The following WASHC4 variants were observed in gnomAD, a reference collection of about 807,000 sequenced individuals.
The protein encoded by WASHC4 is WASH complex subunit 4, also known as WASH complex subunit 7.
WASHC4 carries 86 observed loss-of-function variants against 166.6 expected under a neutral mutation model. The observed-to-expected ratio is 0.52, with a 90% CI of 0.43 to 0.62. The LOEUF (loss-of-function observed/expected upper bound fraction) is 0.62, where lower values mean the gene tolerates loss of function less well. Among genes scored for constraint, WASHC4 ranks in the 20% least tolerant of loss-of-function variants. The pLI is 0.00. For missense variants in WASHC4, 1,262 were observed against 1,382.4 expected (o/e 0.91, Z 1.38); for synonymous variants, 446 against 451.6 (o/e 0.99, Z 0.16).
In WASHC4 at chr12:105,127,304, C is replaced by T; in HGVS notation, c.1199+15C>T. 6.6e-7 allele frequency: 1 copy of T among 1,526,542 alleles called. No homozygotes were observed. The highest frequency in any genetic ancestry group is 1.4e-5 in the African/African-American group (1 of 73,134). 94.6% of individuals were successfully genotyped at this position (1,526,542 alleles called of 1,614,324 possible). A position where few individuals can be genotyped will look rare whatever the true frequency, so the allele number is the denominator to read the frequency against. Reference sequence around the variant, plus strand: ...TCACTTACCAAGTAGGTTTTATAAACAAGTATAATGAAAATATTTAGATAT... The same window carrying T: ...TCACTTACCAAGTAGGTTTTATAAATAAGTATAATGAAAATATTTAGATAT... On this transcript the variant is annotated intron_variant, in intron 13 of 32. Transcript: ENST00000332180.
chr12:105,140,817 G>A lies in WASHC4; in HGVS notation c.1561-82G>A, dbSNP rs78925404. 27 of 1,346,886 alleles carry A rather than the reference G, an allele frequency of 2.0e-5. No homozygotes were observed. The East Asian group carries it at 6.0e-4, about 30-fold the overall frequency. The allele number at this position is 1,346,886 out of a possible 1,614,324, so 83.4% of individuals were successfully genotyped here. Reference sequence around the variant, plus strand: ...TGTATGCTCTCTTAAATTGAATCATGGAAAAGATAATCAAGAAGTTTTTCT... The same window carrying A: ...TGTATGCTCTCTTAAATTGAATCATAGAAAAGATAATCAAGAAGTTTTTCT... On this transcript the variant is annotated intron_variant, in intron 16 of 32. Coordinates refer to ENST00000332180, the MANE Select transcript of WASHC4 (RefSeq NM_015275.3).
intron 6 of WASHC4, among the ~76,000 whole-genome samples, chr12:105,116,670 A>T (rs1038901289): frequency 2.0e-5 from 3 of 152,214 alleles, no homozygotes; most frequent in African/African-American, 7.2e-5. Context: ...ACTTGACTAT[A>T]GTAACCTTTT....
Position 105,137,988 on chromosome 12 carries a change from T to C in WASHC4, c.1429T>C (p.Cys477Arg). 6.2e-7 allele frequency: 1 copy of C among 1,613,050 alleles called. No homozygotes were observed. Among genetic ancestry groups the C allele is most frequent in the Non-Finnish European group, 8.5e-7 (1 of 1,179,270 alleles). Residue 477 changes from cysteine (C) to arginine (R), a missense_variant, in exon 15 of 33, where the codon TGC (cysteine) becomes CGC (arginine). Transcript: ENST00000332180. Reference protein sequence around the residue: ...PMTKTSVKALCRLVELLKAIE... With the variant: ...PMTKTSVKALRRLVELLKAIE... ...GACCAAAACCTCAGTTAAGGCATTG[T>C]GCAGGCTTGTTGAACTTCTCAAGGT...
At chr12:105,155,116 T>C (rs913763053) in intron 26 of WASHC4, 1 of 152,210 alleles carries the variant, frequency 6.6e-6, no homozygotes, top group Non-Finnish European at 1.5e-5. Context: ...CCAGGACATG[T>C]TGGCTCTAGG....
At chr12:105,116,244 G>A (rs562742372) in intron 6 of WASHC4, among the ~76,000 whole-genome samples, 1 of 152,180 alleles carries the variant, frequency 6.6e-6, no homozygotes, top group African/African-American at 2.4e-5. Flanking sequence ...GTGCATGTAC[G>A]ATGTGAAAAA....
chr12:105,164,758 A>C lies in WASHC4; in HGVS notation c.3454+18A>C. The stretch of plus-strand genomic sequence containing the variant: ...GAAGGAAGGTCAGTGAGTGGTTTAA[A>C]TTTGGAAAGACCAATAAATGTCTTT... On this transcript the variant is annotated intron_variant, in intron 32 of 32. Transcript: ENST00000332180. 6.5e-7 allele frequency: 1 copy of C among 1,545,576 alleles called. No homozygotes were observed. Among genetic ancestry groups the C allele is most frequent in the Non-Finnish European group, 8.9e-7 (1 of 1,119,646 alleles).
chr12:105,149,648 T>C lies in WASHC4; in HGVS notation c.2548T>C (p.Phe850Leu). 6.5e-7 allele frequency: 1 copy of C among 1,538,728 alleles called. No individual in the cohort carries two copies. The highest frequency in any genetic ancestry group is 9.0e-7 in the Non-Finnish European group (1 of 1,115,880). Residue 850 changes from phenylalanine (F) to leucine (L), a missense_variant, in exon 25 of 33, where the codon TTC (phenylalanine) becomes CTC (leucine). Phe to Leu is a conservative substitution (Grantham distance 22, BLOSUM62 0). Transcript: ENST00000332180. The part of the protein sequence containing the change: ...NFTYQFLKKK[F>L]YIFSQFMYDE... ...CACCTACCAGTTTTTGAAAAAGAAG[T>C]TCTATATATTTAGCCAATTTATGTA...
intron 19 of WASHC4, among the ~76,000 whole-genome samples, chr12:105,142,759 C>T (rs1456000122): frequency 4.6e-5 from 7 of 152,018 alleles, no homozygotes; most frequent in African/African-American, 9.7e-5. Context: ...TTTCTTCCTT[C>T]ATGTTCCTAA....
Position 105,137,446 on chromosome 12 carries a change from T to C in WASHC4, c.1327-440T>C, listed in dbSNP as rs78070299. On this transcript the variant is annotated intron_variant, in intron 14 of 32. Transcript: ENST00000332180. ...ATCTGTATTGACTGAAGAACAGCCCTCTTTCTCCTTATTTTTCAATTTGTA... is the reference window on the plus strand; with the variant it reads ...ATCTGTATTGACTGAAGAACAGCCCCCTTTCTCCTTATTTTTCAATTTGTA... Among the ~76,000 whole-genome samples, 435 of 152,306 alleles carry C rather than the reference T, an allele frequency of 2.9e-3. 17 individuals carry two copies. The East Asian group carries it at 0.072, about 25-fold the overall frequency.
chr12:105,129,588 C>T (rs1193586547), intron 13 of WASHC4, among the ~76,000 whole-genome samples: 1 of 152,190 alleles, frequency 6.6e-6, no homozygotes, highest in Non-Finnish European at 1.5e-5. Context: ...CAAACTGCAG[C>T]ATCCCTAGAT....
intron 28 of WASHC4, among the ~76,000 whole-genome samples, chr12:105,157,981 A>G (rs977624486): frequency 1.3e-5 from 2 of 152,224 alleles, no homozygotes; most frequent in African/African-American, 4.8e-5. Flanking sequence ...ATAGCAGGTT[A>G]TTGAATCAGG....
In WASHC4 at chr12:105,144,817, A is replaced by C; in HGVS notation, c.2279A>C (p.Gln760Pro). ...AGTGAGATGAGAAACTTAGCTACTC[A>C]GCGTTATGGACTGGTTATGACAGAG... The part of the protein sequence containing the change: ...TYSEMRNLAT[Q>P]RYGLVMTEAH... Residue 760 changes from glutamine (Q) to proline (P), a missense_variant, in exon 22 of 33, where the codon CAG becomes CCG. By Grantham distance (76) the Gln-to-Pro change is moderately conservative (BLOSUM62 -1). Coordinates refer to ENST00000332180, the MANE Select transcript of WASHC4 (RefSeq NM_015275.3). The C allele has an allele frequency of 6.2e-7, 1 of 1,613,340 alleles. No homozygotes were observed. Among genetic ancestry groups the C allele is most frequent in the Non-Finnish European group, 8.5e-7 (1 of 1,179,480 alleles).
At chr12:105,146,950 G>T (rs990662288) in intron 23 of WASHC4, 92 bp from the exon 24 acceptor site, 4 of 763,094 alleles carry the variant, frequency 5.2e-6, no homozygotes, top group African/African-American at 5.1e-5. Flanking sequence ...TGTCTTTAAT[G>T]AAATAGATTC....
intron 2 of WASHC4, among the ~76,000 whole-genome samples, chr12:105,112,343 G>A (rs1879776177): frequency 6.6e-6 from 1 of 152,118 alleles, no homozygotes; most frequent in African/African-American, 2.4e-5. Flanking sequence ...TGGCTGCTAT[G>A]AGCATTTGGG....
intron 28 of WASHC4, among the ~76,000 whole-genome samples, chr12:105,159,313 G>A (rs1268481752): frequency 1.3e-5 from 2 of 152,164 alleles, no homozygotes; most frequent in African/African-American, 2.4e-5. Flanking sequence ...GCAAGGGAGT[G>A]GTTGATTGAA....
chr12:105,142,479 T>C lies in WASHC4; in HGVS notation c.1814T>C (p.Phe605Ser), dbSNP rs1417031297. 5.0e-6 allele frequency: 8 copies of C among 1,610,322 alleles called. No individual in the cohort carries two copies. In the South Asian group the frequency reaches 8.8e-5, roughly 18 times the overall value. The change falls in exon 19 of 33, where the codon TTT (phenylalanine) becomes TCT (serine). Residue 605 changes from phenylalanine to serine, a missense_variant. Physicochemically the swap from Phe to Ser is radical, Grantham distance 155. Coordinates refer to ENST00000332180, the MANE Select transcript of WASHC4 (RefSeq NM_015275.3). ...ERVQTQCDCCFLYWHRAVFPI... is the reference protein window; with the variant it reads ...ERVQTQCDCCSLYWHRAVFPI... ...GTCCAAACACAATGTGACTGTTGTT[T>C]TTTATACTGGCATCGAGCTGTCTTC...
intron 7 of WASHC4, 118 bp downstream of exon 7, chr12:105,118,646 A>G (rs1157523650): frequency 4.1e-6 from 3 of 727,252 alleles, no homozygotes; most frequent in Non-Finnish European, 7.5e-6. Context: ...CACTTATGAT[A>G]TTTCAAACAC....
At chr12:105,144,926 C>T in intron 22 of WASHC4, 54 bp downstream of exon 22, 1 of 1,518,016 alleles carries the variant, frequency 6.6e-7, no homozygotes, top group Non-Finnish European at 9.1e-7. Context: ...TGTAACAGTA[C>T]TTTTTAAGGA....
rs1461815666 is a variant in WASHC4 at position 105,167,710 on chromosome 12, T to C, written c.*779T>C. 6.6e-6 allele frequency: 1 copy of C among 152,562 alleles called. No homozygotes were observed. Among genetic ancestry groups the C allele is most frequent in the Non-Finnish European group, 1.5e-5 (1 of 67,978 alleles). 9.5% of individuals were successfully genotyped at this position (152,562 alleles called of 1,614,324 possible). ...TGATGTATGATGTCAGAAAAAAAAT[T>C]GAATGAATTATTTCTACATCCAAAC... is the stretch of plus-strand genomic sequence containing the variant. On this transcript the variant is annotated 3_prime_UTR_variant, in exon 33 of 33. Transcript: ENST00000332180.
Sources: gnomAD v4.1 joint callset for allele counts (sites outside exome capture counted in the v4.1 genomes callset) on GRCh38, gnomAD v4.1.1 for gene constraint, MANE v1.5 for transcripts, NCBI Gene and HGNC (gene_info 2026-07-23, HGNC 2026-07-21) for gene names.